ENOX1: variants seen among roughly 807,000 people sequenced by gnomAD.
ENOX1 encodes ecto-NOX disulfide-thiol exchanger 1, also known as candidate growth-related and time keeping constitutive hydroquinone (NADH) oxidase.
A neutral mutation model predicts 82.5 loss-of-function variants in ENOX1; 42 were observed. The observed-to-expected ratio is 0.51, with a 90% CI of 0.40 to 0.66. ENOX1 has a LOEUF of 0.66. Among genes scored for constraint, ENOX1 ranks in the 30% least tolerant of loss-of-function variants. The probability of loss-of-function intolerance (pLI) is 0.00; values close to 1 mark genes in which losing one functional copy is unlikely to be tolerated. For synonymous variants in ENOX1, 271 were observed against 282.2 expected, an observed-to-expected ratio of 0.96 and a Z score of 0.40; for missense variants, 608 against 811.6, an observed-to-expected ratio of 0.75 and a Z score of 3.05.
At chr13:43,227,658 A>G (rs1485442075) in intron 15 of ENOX1, among the ~76,000 whole-genome samples, 2 of 152,228 alleles carry the variant, frequency 1.3e-5, no homozygotes, top group African/African-American at 4.8e-5. Flanking sequence ...AACTAAGGGG[A>G]AAATCAGATT....
At chr13:43,346,098 G>A (rs769958574) in intron 8 of ENOX1, among the ~76,000 whole-genome samples, 1 of 152,144 alleles carries the variant, frequency 6.6e-6, no homozygotes. Flanking sequence ...CCTTCCCACC[G>A]TTGAGTGCTT....
chr13:43,417,385 G>A (rs923640010), intron 3 of ENOX1, among the ~76,000 whole-genome samples: 2 of 152,178 alleles, frequency 1.3e-5, no homozygotes, highest in African/African-American at 2.4e-5. Flanking sequence ...CAAGGCTGCC[G>A]TGACATTGTT....
chr13:43,557,779 C>G (rs763245589), intron 2 of ENOX1, among the ~76,000 whole-genome samples: 2 of 152,098 alleles, frequency 1.3e-5, no homozygotes, highest in Non-Finnish European at 2.9e-5. Context: ...GACTGGGTGA[C>G]ACAGTGAGAT....
chr13:43,497,967 TA>T lies in ENOX1; in HGVS notation c.-218-13816del, dbSNP rs557325230. Among the ~76,000 whole-genome samples, 298 of 152,092 alleles carry T rather than the reference TA, an allele frequency of 2.0e-3. 4 individuals carry two copies. Among genetic ancestry groups the T allele is most frequent in the South Asian group, 0.012 (57 of 4,828 alleles). ...ATAAGATTTAGTAAATTTTATCTTA[TA>T]AAAAAAACTTGTCCATTTCATCTAA... On this transcript the variant is annotated intron_variant, in intron 2 of 16. Transcript: ENST00000690772.
chr13:43,262,552 G>T (rs936301787), intron 14 of ENOX1, among the ~76,000 whole-genome samples: 1 of 152,106 alleles, frequency 6.6e-6, no homozygotes, highest in Non-Finnish European at 1.5e-5. Flanking sequence ...GTTGAGACAG[G>T]GTCTCGCTCT....
At chr13:43,499,365 G>A (rs2076900503) in intron 2 of ENOX1, among the ~76,000 whole-genome samples, 1 of 151,794 alleles carries the variant, frequency 6.6e-6, no homozygotes, top group Admixed American at 6.6e-5. Context: ...TATATTTAGG[G>A]GCAAGCAAGA....
chr13:43,230,865 A>T (rs1238389845), intron 15 of ENOX1, among the ~76,000 whole-genome samples: 1 of 152,214 alleles, frequency 6.6e-6, no homozygotes, highest in African/African-American at 2.4e-5. Context: ...CACTTTGTGC[A>T]TTCAGTTTGG....
At chr13:43,354,935 C>T (rs1203844763) in intron 8 of ENOX1, among the ~76,000 whole-genome samples, 1 of 152,190 alleles carries the variant, frequency 6.6e-6, no homozygotes, top group East Asian at 1.9e-4. Context: ...ACACTTTCAT[C>T]AACATTATTT....
At chr13:43,367,231 A>C (rs1199112476) in intron 5 of ENOX1, among the ~76,000 whole-genome samples, 1 of 152,220 alleles carries the variant, frequency 6.6e-6, no homozygotes, top group Non-Finnish European at 1.5e-5. Context: ...TGAAAAGGGG[A>C]CATCTAAACC....
intron 1 of ENOX1, among the ~76,000 whole-genome samples, chr13:43,776,443 T>G (rs1048850896): frequency 6.6e-6 from 1 of 152,148 alleles, no homozygotes; most frequent in Non-Finnish European, 1.5e-5. Flanking sequence ...AGTAAGATTT[T>G]TTTGGAGTGG....
At chr13:43,348,131 C>G (rs1483851601) in intron 8 of ENOX1, among the ~76,000 whole-genome samples, 1 of 152,188 alleles carries the variant, frequency 6.6e-6, no homozygotes, top group Non-Finnish European at 1.5e-5. Flanking sequence ...ACTCCTGGTC[C>G]CCCTGGTCAG....
chr13:43,407,767 C>G (rs2053885204), intron 5 of ENOX1, among the ~76,000 whole-genome samples: 1 of 152,122 alleles, frequency 6.6e-6, no homozygotes, highest in South Asian at 2.1e-4. Flanking sequence ...GTGACCTCCA[C>G]TCTACCTTAC....
At chr13:43,399,188 ACTGTTTAC>A (rs1289347463) in intron 5 of ENOX1, among the ~76,000 whole-genome samples, 2 of 152,194 alleles carry the variant, frequency 1.3e-5, no homozygotes, top group Non-Finnish European at 2.9e-5. Context: ...ATGTTAATCA[ACTGTTTAC>A]GCTATTATAA....
chr13:43,771,825 C>T (rs1266797443), intron 1 of ENOX1, among the ~76,000 whole-genome samples: 2 of 151,568 alleles, frequency 1.3e-5, no homozygotes, highest in African/African-American at 2.4e-5. Flanking sequence ...AGTGCAGTGG[C>T]GCCATCTTGG....
At chr13:43,299,596 T>C (rs2046461314) in intron 11 of ENOX1, among the ~76,000 whole-genome samples, 1 of 151,872 alleles carries the variant, frequency 6.6e-6, no homozygotes, top group Non-Finnish European at 1.5e-5. Context: ...GGCTCCAGAG[T>C]CTCTGCTCTC....
chr13:43,261,524 G>A (rs1048882410), intron 14 of ENOX1, among the ~76,000 whole-genome samples: 1 of 152,104 alleles, frequency 6.6e-6, no homozygotes, highest in African/African-American at 2.4e-5. Context: ...CAGGCGTGTG[G>A]TTCAATTATT....
rs2054163514 is a variant in ENOX1 at position 43,412,036 on chromosome 13, T to TC, written c.87dup (p.Ser30GlufsTer25). The TC allele has an allele frequency of 6.2e-7, 1 of 1,613,746 alleles. No individual in the cohort carries two copies. On this transcript the variant is annotated frameshift_variant, in exon 5 of 17. Coordinates refer to ENST00000690772, the MANE Select transcript of ENOX1 (RefSeq NM_001347969.2). LOFTEE classifies it high-confidence loss of function. ...AGCTGGGTCGTGTCTATCGCTATAC[T>TC]CCCCAAACCATCGGCTGCTGTGGGG...
intron 14 of ENOX1, among the ~76,000 whole-genome samples, chr13:43,241,484 G>T (rs1369233538): frequency 6.6e-6 from 1 of 152,192 alleles, no homozygotes; most frequent in Non-Finnish European, 1.5e-5. Flanking sequence ...GGGAACATTA[G>T]GATGGAGATC....
At chr13:43,408,946 C>G (rs1242507338) in intron 5 of ENOX1, among the ~76,000 whole-genome samples, 1 of 150,328 alleles carries the variant, frequency 6.7e-6, no homozygotes, top group African/African-American at 2.4e-5. Context: ...TAAAAAAGAA[C>G]CAACATTAAG....
Sources: allele counts gnomAD v4.1 joint callset (sites outside exome capture counted in the v4.1 genomes callset), GRCh38; gene constraint gnomAD v4.1.1; transcripts MANE v1.5; gene names NCBI Gene and HGNC (gene_info 2026-07-23, HGNC 2026-07-21).